DPYD: variants seen among roughly 807,000 people sequenced by gnomAD.
DPYD encodes the protein dihydropyrimidine dehydrogenase.
DPYD carries 109 observed loss-of-function variants against 116.2 expected under a neutral mutation model. That is an observed-to-expected ratio of 0.94 (90% CI 0.80 to 1.10). The LOEUF is 1.10. DPYD is among the 50% of genes least tolerant of loss of function. The probability of loss-of-function intolerance (pLI) is 0.00; values close to 1 mark genes in which losing one functional copy is unlikely to be tolerated. For missense variants in DPYD, 1,302 were observed against 1,254.5 expected, an observed-to-expected ratio of 1.04 and a Z score of -0.57; for synonymous variants, 440 against 432.0, an observed-to-expected ratio of 1.02 and a Z score of -0.23.
chr1:97,304,029 TGCA>T (rs1254039535), intron 18 of DPYD, among the ~76,000 whole-genome samples: 1 of 152,022 alleles, frequency 6.6e-6, no homozygotes, highest in African/African-American at 2.4e-5. Flanking sequence ...ATTCAGACAT[TGCA>T]GCTTAAATGA....
intron 18 of DPYD, among the ~76,000 whole-genome samples, chr1:97,254,348 A>C (rs1663308647): frequency 6.6e-6 from 1 of 152,190 alleles, no homozygotes; most frequent in African/African-American, 2.4e-5. Flanking sequence ...CTAAAAACGA[A>C]AGGAAAAATC....
chr1:97,527,265 G>A (rs931274915), intron 12 of DPYD, among the ~76,000 whole-genome samples: 2 of 152,018 alleles, frequency 1.3e-5, no homozygotes, highest in Non-Finnish European at 1.5e-5. Flanking sequence ...TTTTTGTAGA[G>A]ACAGGGTTTC....
At chr1:97,846,361 C>A (rs1670302771) in intron 2 of DPYD, among the ~76,000 whole-genome samples, 3 of 152,212 alleles carry the variant, frequency 2.0e-5, no homozygotes, top group South Asian at 4.1e-4. Flanking sequence ...TTCCTGAGTT[C>A]TCTGAGCCAT....
intron 18 of DPYD, among the ~76,000 whole-genome samples, chr1:97,285,107 T>C (rs763946067): frequency 6.6e-6 from 1 of 152,214 alleles, no homozygotes; most frequent in Non-Finnish European, 1.5e-5. Flanking sequence ...TGGAGGGTTT[T>C]AACTTTTCCT....
At chr1:97,588,840 T>C (rs900828782) in intron 10 of DPYD, among the ~76,000 whole-genome samples, 12 of 152,178 alleles carry the variant, frequency 7.9e-5, no homozygotes, top group Non-Finnish European at 1.8e-4. Flanking sequence ...CATATCTTCA[T>C]TTCATCAAAC....
intron 1 of DPYD, among the ~76,000 whole-genome samples, chr1:97,906,760 A>G (rs1406152259): frequency 6.6e-6 from 1 of 152,078 alleles, no homozygotes; most frequent in Non-Finnish European, 1.5e-5. Flanking sequence ...GTGCAACTGC[A>G]AAACTTGCAA....
rs567580164 is a variant in DPYD at position 97,531,292 on chromosome 1, T to A, written c.1525-15351A>T. On this transcript the variant is annotated intron_variant, in intron 12 of 22. Transcript: ENST00000370192. ...TTAATTAATTGTGAGTTAATTTTTG[T>A]CTGTGGTGAAAGAAAACATTCCAAT... Among the ~76,000 whole-genome samples, 86 of 152,344 alleles carry A rather than the reference T, an allele frequency of 5.6e-4. 1 individual carries two copies. The South Asian group carries it at 0.018, about 31-fold the overall frequency.
chr1:97,603,784 A>T (rs1160613582), intron 8 of DPYD, among the ~76,000 whole-genome samples: 2 of 152,126 alleles, frequency 1.3e-5, no homozygotes, highest in Admixed American at 1.3e-4. Context: ...ATACAATCAT[A>T]TTGTGAGACT....
chr1:97,589,169 TG>T (rs1654342984), intron 10 of DPYD, among the ~76,000 whole-genome samples: 1 of 152,226 alleles, frequency 6.6e-6, no homozygotes, highest in Non-Finnish European at 1.5e-5. Flanking sequence ...CAGAGTCTAT[TG>T]GATGATGTCT....
chr1:97,155,395 T>A lies in DPYD; in HGVS notation c.2622+37674A>T, dbSNP rs1283583718. On this transcript the variant is annotated intron_variant, in intron 20 of 22. Coordinates refer to ENST00000370192, the MANE Select transcript of DPYD (RefSeq NM_000110.4). ...GGATTCTGTATGAAACCAGAGCTCTTCTGCTTTTGTGTCCAAATATTCTCT... is the reference window on the plus strand; with the variant it reads ...GGATTCTGTATGAAACCAGAGCTCTACTGCTTTTGTGTCCAAATATTCTCT... Among the ~76,000 whole-genome samples the A allele has an allele frequency of 2.0e-5, 3 of 152,270 alleles. No homozygotes were observed. In the East Asian group the frequency reaches 5.8e-4, roughly 29 times the overall value.
At chr1:97,163,074 A>T (rs1330372925) in intron 20 of DPYD, among the ~76,000 whole-genome samples, 2 of 151,640 alleles carry the variant, frequency 1.3e-5, no homozygotes, top group Non-Finnish European at 2.9e-5. Context: ...GGCATGGGCA[A>T]GGACTTCATG....
At chr1:97,246,246 C>G (rs1284241488) in intron 18 of DPYD, among the ~76,000 whole-genome samples, 1 of 152,062 alleles carries the variant, frequency 6.6e-6, no homozygotes, top group Non-Finnish European at 1.5e-5. Context: ...ATTTCTTGTA[C>G]CCAGCACCAT....
intron 5 of DPYD, among the ~76,000 whole-genome samples, chr1:97,714,170 A>C (rs1448844609): frequency 6.6e-6 from 1 of 152,068 alleles, no homozygotes; most frequent in Non-Finnish European, 1.5e-5. Context: ...AACTGCAGAT[A>C]AACACTTAAC....
intron 8 of DPYD, among the ~76,000 whole-genome samples, chr1:97,597,776 T>C (rs1222174189): frequency 1.3e-5 from 2 of 152,166 alleles, no homozygotes; most frequent in East Asian, 3.9e-4. Flanking sequence ...CGCTAAGGAG[T>C]TGGACTTACC....
intron 20 of DPYD, among the ~76,000 whole-genome samples, chr1:97,108,711 CTG>C (rs1651362870): frequency 6.6e-6 from 1 of 152,022 alleles, no homozygotes; most frequent in African/African-American, 2.4e-5. Flanking sequence ...TATTATAAAT[CTG>C]TATGAATTGG....
intron 4 of DPYD, among the ~76,000 whole-genome samples, chr1:97,738,052 T>C (rs1428360385): frequency 6.6e-6 from 1 of 152,072 alleles, no homozygotes; most frequent in African/African-American, 2.4e-5. Flanking sequence ...CATGGAAAAA[T>C]CGATGGCTTA....
intron 22 of DPYD, among the ~76,000 whole-genome samples, chr1:97,079,789 C>T (rs1471441163): frequency 6.6e-6 from 1 of 152,084 alleles, no homozygotes; most frequent in Non-Finnish European, 1.5e-5. Context: ...GCCCAGATTA[C>T]CACAGCCAGG....
chr1:97,362,042 T>C (rs1296505389), intron 16 of DPYD, among the ~76,000 whole-genome samples: 1 of 152,252 alleles, frequency 6.6e-6, no homozygotes, highest in Non-Finnish European at 1.5e-5. Flanking sequence ...CATGATTGTA[T>C]ATTTAGAAAA....
intron 3 of DPYD, among the ~76,000 whole-genome samples, chr1:97,811,982 T>C (rs908213493): frequency 1.3e-5 from 2 of 152,154 alleles, no homozygotes; most frequent in Admixed American, 1.3e-4. Context: ...ACAACAGTCA[T>C]CTCTTTCTGG....
Sources: allele counts gnomAD v4.1 joint callset (sites outside exome capture counted in the v4.1 genomes callset), GRCh38; gene constraint gnomAD v4.1.1; transcripts MANE v1.5; gene names NCBI Gene and HGNC (gene_info 2026-07-23, HGNC 2026-07-21).